Variants in FBP1 observed in about 807,000 individuals in gnomAD.
FBP1 encodes fructose-1,6-bisphosphatase 1.
A neutral mutation model predicts 29.9 loss-of-function variants in FBP1; 22 were observed. The ratio of observed to expected loss-of-function variants is 0.74; its 90% CI spans 0.53 to 1.05. The LOEUF is 1.05. Among genes scored for constraint, FBP1 ranks in the 50% least tolerant of loss-of-function variants. The pLI, the probability that FBP1 is intolerant of heterozygous loss-of-function variation, is 0.00. For synonymous variants in FBP1, 175 were observed against 178.6 expected, an observed-to-expected ratio of 0.98 and a Z score of 0.16; for missense variants, 345 against 448.2, an observed-to-expected ratio of 0.77 and a Z score of 2.08.
At chr9:94,621,788 C>T (rs1229669002) in intron 1 of FBP1, among the ~76,000 whole-genome samples, 1 of 152,068 alleles carries the variant, frequency 6.6e-6, no homozygotes, top group African/African-American at 2.4e-5. Flanking sequence ...AATAGAGAGA[C>T]CCAGCAAGCA....
chr9:94,634,015 C>T (rs1317994671), intron 1 of FBP1, among the ~76,000 whole-genome samples: 1 of 150,364 alleles, frequency 6.7e-6, no homozygotes, highest in Non-Finnish European at 1.5e-5. Flanking sequence ...TCTTTCAGAC[C>T]GGGCGCAGTG....
At chr9:94,615,068 C>T (rs961383965) in intron 3 of FBP1, among the ~76,000 whole-genome samples, 1 of 152,216 alleles carries the variant, frequency 6.6e-6, no homozygotes, top group East Asian at 1.9e-4. Context: ...GCCACCACAC[C>T]CGGCTGATTT....
At chr9:94,625,622 C>T (rs1393645102) in intron 1 of FBP1, among the ~76,000 whole-genome samples, 6 of 152,332 alleles carry the variant, frequency 3.9e-5, no homozygotes, top group Middle Eastern at 3.4e-3. Context: ...AGTGAAACCC[C>T]GTCTCTACTA....
At chr9:94,630,369 T>TA (rs1211017810) in intron 1 of FBP1, among the ~76,000 whole-genome samples, 3 of 152,118 alleles carry the variant, frequency 2.0e-5, no homozygotes, top group African/African-American at 7.2e-5. Flanking sequence ...AGCTTCTTGG[T>TA]AAAAGTGTGT....
At chr9:94,617,950 GAAGA>G (rs1765569674) in intron 2 of FBP1, 90 bp from the exon 3 acceptor site, 1 of 1,025,778 alleles carries the variant, frequency 9.7e-7, no homozygotes, top group Admixed American at 1.9e-5. Flanking sequence ...TGGGAATTTA[GAAGA>G]AAGTTCAAAA....
At chr9:94,604,103 C>G (rs181129269) in intron 6 of FBP1, 29 of 177,758 alleles carry the variant, frequency 1.6e-4, no homozygotes, top group Admixed American at 1.6e-3. Flanking sequence ...GTGTATTATA[C>G]GTCTTGGCAT....
intron 1 of FBP1, among the ~76,000 whole-genome samples, chr9:94,638,400 T>C (rs1161290411): frequency 6.6e-6 from 1 of 152,208 alleles, no homozygotes; most frequent in Non-Finnish European, 1.5e-5. Flanking sequence ...CCATAGCGCA[T>C]TCAGAACCAT....
rs1827918261 is a variant in FBP1, at chr9:94,619,872, CTCAAAAAAAAA to C, written c.333+446_333+456del. ...CTGGGCAACAAGAGCAAAACACTGT[CTCAAAAAAAAA>C]AAAAAAAAAAAAAAAAAAAGAAGCA... On this transcript the variant is annotated intron_variant, in intron 2 of 6. Transcript: ENST00000375326. Among the ~76,000 whole-genome samples, 14 of 50,224 alleles carry C rather than the reference CTCAAAAAAAAA, an allele frequency of 2.8e-4. No homozygotes were observed. The South Asian group carries it at 0.01, about 36-fold the overall frequency. The allele number at this position is 50,224 out of a possible 152,430, so 32.9% of individuals were successfully genotyped here.
chr9:94,612,549 ATTTTTTTT>A (rs561246840), intron 3 of FBP1, among the ~76,000 whole-genome samples: 5 of 108,024 alleles, frequency 4.6e-5, no homozygotes, highest in African/African-American at 1.0e-4. Context: ...CCAGCCCCCA[ATTTTTTTT>A]TTTTTTTTTT....
chr9:94,621,536 T>C lies in FBP1; in HGVS notation c.171-1045A>G, dbSNP rs577555378. On this transcript the variant is annotated intron_variant, in intron 1 of 6. Transcript: ENST00000375326. Reference sequence around the variant, plus strand: ...GAACCTGTCATGGTGCCCTGCACACTTTTGTGGTTAAATCAGTGTTTCTTA... The same window carrying C: ...GAACCTGTCATGGTGCCCTGCACACCTTTGTGGTTAAATCAGTGTTTCTTA... 3.9e-5 allele frequency among the ~76,000 whole-genome samples: 6 copies of C among 152,246 alleles called. No individual in the cohort carries two copies. In the East Asian group the frequency reaches 1.2e-3, roughly 29 times the overall value.
chr9:94,638,119 A>G (rs1828222844), intron 1 of FBP1, among the ~76,000 whole-genome samples: 1 of 150,318 alleles, frequency 6.7e-6, no homozygotes, highest in Admixed American at 6.6e-5. Flanking sequence ...GAAAAAGAAA[A>G]TACCTGTGCA....
intron 1 of FBP1, among the ~76,000 whole-genome samples, chr9:94,624,034 C>T (rs1056641843): frequency 2.0e-5 from 3 of 152,020 alleles, no homozygotes; most frequent in African/African-American, 4.8e-5. Context: ...GAATGTTTTT[C>T]GTAAGAATGG....
chr9:94,632,000 T>G (rs1249785413), intron 1 of FBP1, among the ~76,000 whole-genome samples: 1 of 152,132 alleles, frequency 6.6e-6, no homozygotes, highest in Admixed American at 6.5e-5. Flanking sequence ...AACTTGCAAT[T>G]TCACTCCTTG....
intron 1 of FBP1, among the ~76,000 whole-genome samples, chr9:94,636,078 G>T (rs1025689420): frequency 6.6e-6 from 1 of 152,036 alleles, no homozygotes. Flanking sequence ...ATATATATGG[G>T]GTGGGTTTCA....
intron 1 of FBP1, among the ~76,000 whole-genome samples, chr9:94,627,640 G>A (rs921813207): frequency 9.9e-5 from 15 of 152,160 alleles, no homozygotes; most frequent in Non-Finnish European, 1.8e-4. Context: ...CTTGGAAGGC[G>A]TTTCCAGGAG....
intron 1 of FBP1, among the ~76,000 whole-genome samples, chr9:94,628,342 C>T (rs966514319): frequency 1.4e-5 from 2 of 144,326 alleles, no homozygotes; most frequent in African/African-American, 5.2e-5. Flanking sequence ...GCCAAGGTCA[C>T]ACCACTGCAC....
chr9:94,613,195 G>C (rs981007702), intron 3 of FBP1, among the ~76,000 whole-genome samples: 1 of 152,158 alleles, frequency 6.6e-6, no homozygotes, highest in Non-Finnish European at 1.5e-5. Context: ...GACATTGCAA[G>C]TTAGAGTATG....
Position 94,603,198 on chromosome 9 carries a change from G to T in FBP1, c.*183C>A. On this transcript the variant is annotated 3_prime_UTR_variant, in exon 7 of 7. Coordinates refer to ENST00000375326, the MANE Select transcript of FBP1 (RefSeq NM_000507.4). ...CTCAAAATATATCTTAACACCAGTGGCATTATGGAGACAGCATTTGGTTAG... is the reference window on the plus strand; with the variant it reads ...CTCAAAATATATCTTAACACCAGTGTCATTATGGAGACAGCATTTGGTTAG... 1.6e-6 allele frequency: 1 copy of T among 640,886 alleles called. No homozygotes were observed. 39.7% of individuals were successfully genotyped at this position (640,886 alleles called of 1,614,324 possible).
chr9:94,605,581 A>G lies in FBP1; in HGVS notation c.706-5T>C. On this transcript the variant is annotated splice_region_variant and splice_polypyrimidine_tract_variant and intron_variant, in intron 5 of 6. Transcript: ENST00000375326. ...CCCATAAGGAGCTGAATTATCCTGCAAGTTAAGACCAGCAAGAATTAGGAT... is the reference window on the plus strand; with the variant it reads ...CCCATAAGGAGCTGAATTATCCTGCGAGTTAAGACCAGCAAGAATTAGGAT... The G allele has an allele frequency of 6.2e-7, 1 of 1,613,878 alleles. No homozygotes were observed. Among genetic ancestry groups the G allele is most frequent in the Non-Finnish European group, 8.5e-7 (1 of 1,179,868 alleles).
Sources: gnomAD v4.1 joint callset for allele counts (sites outside exome capture counted in the v4.1 genomes callset) on GRCh38, gnomAD v4.1.1 for gene constraint, MANE v1.5 for transcripts, NCBI Gene and HGNC (gene_info 2026-07-23, HGNC 2026-07-21) for gene names.